The following PLA1A variants were observed in gnomAD, a reference collection of about 807,000 sequenced individuals.
PLA1A encodes phospholipase A1 member A, also known as phosphatidylserine-specific phospholipase A1alpha.
Under a neutral mutation model 49.4 loss-of-function variants are expected in PLA1A, and 47 were observed. The observed-to-expected ratio is 0.95, with a 90% CI of 0.75 to 1.21. The LOEUF is 1.21. Among genes scored for constraint, PLA1A ranks in the 50% most tolerant of loss-of-function variants. The pLI, the probability that PLA1A is intolerant of heterozygous loss-of-function variation, is 0.00. For missense variants in PLA1A, 561 were observed against 563.9 expected (o/e 0.99, Z 0.05); for synonymous variants, 224 against 207.9 (o/e 1.08, Z -0.67).
At chr3:119,621,156 G>A (rs928374841) in intron 8 of PLA1A, among the ~76,000 whole-genome samples, 1 of 152,202 alleles carries the variant, frequency 6.6e-6, no homozygotes, top group East Asian at 1.9e-4. Context: ...ACCTGAGCTG[G>A]TGCCTCTGTG....
intron 4 of PLA1A, among the ~76,000 whole-genome samples, chr3:119,610,761 T>C (rs1486622632): frequency 6.6e-6 from 1 of 152,116 alleles, no homozygotes; most frequent in Admixed American, 6.5e-5. Flanking sequence ...TTCTGTAGGT[T>C]GTCTGTTTAC....
chr3:119,617,635 CAGGAGACTG>C (rs2082866494), intron 6 of PLA1A, among the ~76,000 whole-genome samples: 1 of 151,628 alleles, frequency 6.6e-6, no homozygotes, highest in African/African-American at 2.4e-5. Flanking sequence ...CCCAGCTACT[CAGGAGACTG>C]AGGCAGGAAA....
At chr3:119,600,224 A>G in intron 1 of PLA1A, 2 of 585,082 alleles carry the variant, frequency 3.4e-6, no homozygotes, top group African/African-American at 1.9e-5. Flanking sequence ...TTCAGCCTCC[A>G]CTCACTTTCC....
At position 119,618,018 on chromosome 3, in the gene PLA1A, G is replaced by A. The variant is rs1457492339; in HGVS notation, c.755-1G>A. 1 of 1,608,514 alleles carries A rather than the reference G, an allele frequency of 6.2e-7. No individual in the cohort carries two copies. Among genetic ancestry groups the A allele is most frequent in the Non-Finnish European group, 8.5e-7 (1 of 1,177,500 alleles). ...CTTGGTTGTGTTTTTTCTCTGTTCA[G>A]GTTATAGTTATCTGATCTGTGATCA... On this transcript the variant is annotated splice_acceptor_variant, in intron 6 of 10. Transcript: ENST00000273371. LOFTEE classifies it high-confidence loss of function.
At chr3:119,607,556 G>T (rs2082705903) in intron 2 of PLA1A, among the ~76,000 whole-genome samples, 1 of 152,214 alleles carries the variant, frequency 6.6e-6, no homozygotes, top group Non-Finnish European at 1.5e-5. Context: ...TAAAGTAATA[G>T]CACTATGGAG....
In PLA1A at chr3:119,612,495, CT is replaced by C. The variant is rs11420188; in HGVS notation, c.563-511del. ...AAATAATTGGTGTTATCAAGGTCAT[CT>C]TTTTTTTTTTGAGATGGAGTTTCGC... On this transcript the variant is annotated intron_variant, in intron 4 of 10. Coordinates refer to ENST00000273371, the MANE Select transcript of PLA1A (RefSeq NM_015900.4). Among the ~76,000 whole-genome samples, 239 of 148,338 alleles carry C rather than the reference CT, an allele frequency of 1.6e-3. 1 individual carries two copies. Among genetic ancestry groups the C allele is most frequent in the African/African-American group, 4.9e-3 (200 of 40,806 alleles).
chr3:119,615,749 T>TGAGA (rs2082837089), intron 5 of PLA1A, among the ~76,000 whole-genome samples: 1 of 151,124 alleles, frequency 6.6e-6, no homozygotes. Context: ...AGGCGGAGGT[T>TGAGA]GCAGTGAGAG....
chr3:119,622,140 G>C (rs977516015), intron 8 of PLA1A, among the ~76,000 whole-genome samples: 1 of 126,182 alleles, frequency 7.9e-6, no homozygotes, highest in African/African-American at 3.9e-5. Flanking sequence ...AGGAAGAGGA[G>C]GAGGAGGAGG....
At chr3:119,615,736 G>T (rs956606955) in intron 5 of PLA1A, among the ~76,000 whole-genome samples, 1 of 152,006 alleles carries the variant, frequency 6.6e-6, no homozygotes, top group Non-Finnish European at 1.5e-5. Context: ...GCTTGAATCC[G>T]GGAGGCGGAG....
intron 1 of PLA1A, among the ~76,000 whole-genome samples, chr3:119,599,223 T>C (rs1249251923): frequency 6.6e-6 from 1 of 152,212 alleles, no homozygotes; most frequent in African/African-American, 2.4e-5. Flanking sequence ...CAGATAGGAA[T>C]GCTGTAAGGA....
At chr3:119,618,836 G>A (rs564343658) in intron 7 of PLA1A, among the ~76,000 whole-genome samples, 2 of 152,062 alleles carry the variant, frequency 1.3e-5, no homozygotes, top group African/African-American at 4.8e-5. Context: ...CTCACTTCCC[G>A]CTACCCCTGG....
Position 119,616,056 on chromosome 3 carries a change from A to G in PLA1A, c.709A>G (p.Asn237Asp). ...CGTTGGACATGTGGACTACTTCGTC[A>G]ACGGAGGCCAAGACCAACCTGGCTG... is the stretch of plus-strand genomic sequence containing the variant. ...IPVGHVDYFV[N>D]GGQDQPGCPT... Residue 237 changes from asparagine (N) to aspartate (D), a missense_variant, in exon 6 of 11, where the codon AAC (asparagine) becomes GAC (aspartate). Asn to Asp is a conservative substitution (Grantham distance 23, BLOSUM62 1). Transcript: ENST00000273371. The G allele has an allele frequency of 6.2e-7, 1 of 1,613,766 alleles. No individual in the cohort carries two copies. The highest frequency in any genetic ancestry group is 1.1e-5 in the South Asian group (1 of 91,054).
chr3:119,614,267 C>A (rs750878590), intron 5 of PLA1A, among the ~76,000 whole-genome samples: 22 of 152,162 alleles, frequency 1.4e-4, no homozygotes, highest in Non-Finnish European at 2.8e-4. Context: ...AGCCCACAGG[C>A]CTCTTCCTAG....
At chr3:119,618,430 A>G (rs1348081889) in intron 7 of PLA1A, among the ~76,000 whole-genome samples, 1 of 152,012 alleles carries the variant, frequency 6.6e-6, no homozygotes, top group East Asian at 1.9e-4. Flanking sequence ...CCCTTCCCAC[A>G]TACAGGTTCC....
chr3:119,622,211 G>GAAGAAGAAGAAGAAGAAGA (rs879382116), intron 8 of PLA1A, among the ~76,000 whole-genome samples: 1 of 38,140 alleles, frequency 2.6e-5, no homozygotes, highest in African/African-American at 8.2e-5. Context: ...GAAGAAGAAG[G>GAAGAAGAAGAAGAAGAAGA]AGACAGAATC....
chr3:119,616,979 C>A (rs528621890), intron 6 of PLA1A, among the ~76,000 whole-genome samples: 1 of 152,318 alleles, frequency 6.6e-6, no homozygotes, highest in East Asian at 1.9e-4. Context: ...CAGAGTGTCC[C>A]AACCACAGGG....
chr3:119,617,808 T>C (rs1264870401), intron 6 of PLA1A, among the ~76,000 whole-genome samples: 1 of 152,094 alleles, frequency 6.6e-6, no homozygotes, highest in African/African-American at 2.4e-5. Flanking sequence ...ATTTTCTTGA[T>C]GGATTATGCT....
chr3:119,618,129 C>T lies in PLA1A; in HGVS notation c.865C>T (p.Leu289Phe), dbSNP rs777614341. The T allele has an allele frequency of 1.4e-5, 23 of 1,614,016 alleles. No homozygotes were observed. In the South Asian group the frequency reaches 2.2e-4, roughly 15 times the overall value. ...AFPCASYKAF[L>F]AGRCLDCFNP... ...TCCCTGTGCCAGCTACAAGGCCTTC[C>T]TTGCTGGACGCTGTCTGGATTGCTT... The change falls in exon 7 of 11, where the codon CTT becomes TTT. Residue 289 changes from leucine to phenylalanine, a missense_variant. Leu to Phe is a conservative substitution (Grantham distance 22). Coordinates refer to ENST00000273371, the MANE Select transcript of PLA1A (RefSeq NM_015900.4).
At chr3:119,623,770 G>A (rs967889211) in intron 8 of PLA1A, among the ~76,000 whole-genome samples, 2 of 145,356 alleles carry the variant, frequency 1.4e-5, no homozygotes, top group African/African-American at 5.2e-5. Flanking sequence ...TGTCACCCAG[G>A]CTGTAATGCA....
Sources: gnomAD v4.1 joint callset for allele counts (sites outside exome capture counted in the v4.1 genomes callset) on GRCh38, gnomAD v4.1.1 for gene constraint, MANE v1.5 for transcripts, NCBI Gene and HGNC (gene_info 2026-07-23, HGNC 2026-07-21) for gene names.